The following TEX11 variants were observed in gnomAD, a reference collection of about 807,000 sequenced individuals.
The protein encoded by TEX11 is testis-expressed protein 11.
In TEX11, 7 loss-of-function variants were observed where a neutral mutation model predicts 84.4. That is an observed-to-expected ratio of 0.08 (90% CI 0.05 to 0.16). TEX11 has a LOEUF of 0.16. Among genes scored for constraint, TEX11 ranks in the 10% least tolerant of loss-of-function variants. The pLI is 1.00. For synonymous variants in TEX11, 264 were observed against 222.8 expected (o/e 1.18, Z -1.64); for missense variants, 551 against 660.5 (o/e 0.83, Z 1.82).
At chrX:70,906,113 A>G (rs2091832110) in intron 2 of TEX11, among the ~76,000 whole-genome samples, 1 of 65,183 alleles carries the variant, frequency 1.5e-5, no homozygotes, top group South Asian at 8.2e-4. Flanking sequence ...ATATATATAT[A>G]TATATATATA....
rs138678964 is a variant in TEX11 at position 70,678,319 on chromosome X, C to T, written c.1242+485G>A. On this transcript the variant is annotated intron_variant, in intron 15 of 29. Transcript: ENST00000374333. Reference sequence around the variant, plus strand: ...AAACACAACTTTTTTTTTAATGGTACGTCCCATCTGATTTATATACACAGG... The same window carrying T: ...AAACACAACTTTTTTTTTAATGGTATGTCCCATCTGATTTATATACACAGG... Among the ~76,000 whole-genome samples the T allele has an allele frequency of 4.6e-4, 51 of 110,506 alleles. No individual in the cohort carries two copies. In the East Asian group the frequency reaches 0.013, roughly 29 times the overall value.
chrX:70,737,700 A>G (rs2090706505), intron 11 of TEX11, among the ~76,000 whole-genome samples: 1 of 107,730 alleles, frequency 9.3e-6, no homozygotes, highest in Non-Finnish European at 1.9e-5. Flanking sequence ...CCCCAAAAAA[A>G]GCTGTCTGGT....
chrX:70,752,672 C>A (rs1451000246), intron 9 of TEX11, among the ~76,000 whole-genome samples: 2 of 110,445 alleles, frequency 1.8e-5, no homozygotes, highest in African/African-American at 3.3e-5. Flanking sequence ...GAAGGCTCCA[C>A]CAATCGTCCC....
At chrX:70,705,034 A>G (rs1198371135) in intron 13 of TEX11, among the ~76,000 whole-genome samples, 2 of 111,538 alleles carry the variant, frequency 1.8e-5, no homozygotes, top group Non-Finnish European at 3.8e-5. Context: ...TTTTCCCAGC[A>G]CCATTTATTA....
intron 8 of TEX11, among the ~76,000 whole-genome samples, chrX:70,811,925 T>C (rs1229625864): frequency 8.9e-6 from 1 of 112,153 alleles, no homozygotes; most frequent in East Asian, 2.8e-4. Flanking sequence ...TCTGGGTATT[T>C]GCCCTTTGTC....
intron 11 of TEX11, among the ~76,000 whole-genome samples, chrX:70,737,684 C>G (rs201678328): frequency 1.1e-4 from 1 of 9,140 alleles, no homozygotes; most frequent in South Asian, 6.3e-3. Context: ...ATTTAAAATA[C>G]CCCCCCCCCA....
chrX:70,582,364 A>G (rs1233079558), intron 25 of TEX11, among the ~76,000 whole-genome samples: 1 of 112,130 alleles, frequency 8.9e-6, no homozygotes, highest in Non-Finnish European at 1.9e-5. Flanking sequence ...AATGAAGGAC[A>G]AACTGGGAAA....
chrX:70,514,177 C>T, the TEX11 span, among the ~76,000 whole-genome samples: 1 of 109,602 alleles, frequency 9.1e-6, no homozygotes, highest in Non-Finnish European at 1.9e-5. Flanking sequence ...ATGAAACTTA[C>T]AACTGGAATT....
chrX:70,712,618 T>C (rs2090448610), intron 13 of TEX11, among the ~76,000 whole-genome samples: 1 of 111,366 alleles, frequency 9.0e-6, no homozygotes. Context: ...TAAGAATGCC[T>C]GTGATTTTTG....
chrX:70,842,614 G>A (rs989125143), intron 7 of TEX11, among the ~76,000 whole-genome samples: 23 of 111,663 alleles, frequency 2.1e-4, no homozygotes, highest in African/African-American at 7.5e-4. Context: ...TCAACATAGT[G>A]TTGGAAGTGC....
chrX:70,661,787 G>A (rs1375420535), intron 16 of TEX11, among the ~76,000 whole-genome samples: 1 of 111,923 alleles, frequency 8.9e-6, no homozygotes, highest in Non-Finnish European at 1.9e-5. Flanking sequence ...GCAAACTCCA[G>A]CAGACCTGCA....
In TEX11 at chrX:70,589,722, C is replaced by T. The variant is rs201371638; in HGVS notation, c.2140+2029G>A. On this transcript the variant is annotated intron_variant, in intron 25 of 29. Coordinates refer to ENST00000374333, the MANE Select transcript of TEX11 (RefSeq NM_031276.3). The stretch of plus-strand genomic sequence containing the variant: ...ATTTTCAGTAGAGATGGGGTTTCGT[C>T]ATGTTGGCAGGGTGGTCTCGAATTC... Among the ~76,000 whole-genome samples the T allele has an allele frequency of 1.3e-4, 14 of 111,067 alleles. No individual in the cohort carries two copies. In the East Asian group the frequency reaches 3.9e-3, roughly 31 times the overall value.
chrX:70,649,434 C>T (rs952745428), intron 17 of TEX11, among the ~76,000 whole-genome samples: 16 of 112,226 alleles, frequency 1.4e-4, no homozygotes, highest in Admixed American at 1.4e-3. Context: ...TTTAAGTGGA[C>T]AATTTCAAGT....
chrX:70,513,562 C>G, the TEX11 span, among the ~76,000 whole-genome samples: 7 of 106,610 alleles, frequency 6.6e-5, no homozygotes, highest in East Asian at 2.0e-3. Flanking sequence ...TATTCACAGG[C>G]AGGATCATAG....
At chrX:70,720,932 A>C (rs1385659358) in intron 13 of TEX11, among the ~76,000 whole-genome samples, 1 of 110,486 alleles carries the variant, frequency 9.1e-6, no homozygotes, top group Non-Finnish European at 1.9e-5. Flanking sequence ...TTTGGAATGT[A>C]GTATTGAATG....
chrX:70,512,279 C>T, the TEX11 span, among the ~76,000 whole-genome samples: 3,124 of 107,702 alleles, frequency 0.029, 165 homozygotes, highest in Admixed American at 0.11. Context: ...AGTGCAGTGT[C>T]GCGATCTTGG....
intron 20 of TEX11, among the ~76,000 whole-genome samples, chrX:70,620,979 T>C (rs768543827): frequency 1.3e-4 from 14 of 111,748 alleles, no homozygotes; most frequent in Admixed American, 2.8e-4. Flanking sequence ...TGTATGATAT[T>C]GTAATGATAC....
At chrX:70,604,589 C>T (rs1455669181) in intron 24 of TEX11, among the ~76,000 whole-genome samples, 3 of 110,818 alleles carry the variant, frequency 2.7e-5, no homozygotes, top group Non-Finnish European at 5.7e-5. Flanking sequence ...GTTTCAGATC[C>T]AAAGAACAAT....
chrX:70,807,991 C>T (rs2091228896), intron 8 of TEX11, among the ~76,000 whole-genome samples: 1 of 105,725 alleles, frequency 9.5e-6, no homozygotes, highest in Non-Finnish European at 1.9e-5. Context: ...GTAATCCGGG[C>T]TACTCAGGAG....
Sources: gnomAD v4.1 joint callset for allele counts (sites outside exome capture counted in the v4.1 genomes callset) on GRCh38, gnomAD v4.1.1 for gene constraint, MANE v1.5 for transcripts, NCBI Gene and HGNC (gene_info 2026-07-23, HGNC 2026-07-21) for gene names.